The following ARHGAP19 variants were observed in gnomAD, a reference collection of about 807,000 sequenced individuals.
ARHGAP19 encodes the protein Rho GTPase activating protein 19.
A neutral mutation model predicts 60.9 loss-of-function variants in ARHGAP19; 48 were observed. That is an observed-to-expected ratio of 0.79 (90% CI 0.62 to 1.00). The LOEUF is 1.00. Ranked by LOEUF, ARHGAP19 falls within the 50% of genes least tolerant of loss-of-function variation. The pLI is 0.00. For missense variants in ARHGAP19, 562 were observed against 597.2 expected (o/e 0.94, Z 0.61); for synonymous variants, 209 against 215.5 (o/e 0.97, Z 0.27).
intron 8 of ARHGAP19, among the ~76,000 whole-genome samples, chr10:97,237,074 G>T (rs1328695216): frequency 6.6e-6 from 1 of 151,828 alleles, no homozygotes; most frequent in African/African-American, 2.4e-5. Context: ...TGACCAGCCT[G>T]GGCAACATGG....
At chr10:97,243,856 A>C (rs793528) in intron 8 of ARHGAP19, 112 bp downstream of exon 8, 1,061,937 of 1,077,734 alleles carry the variant, frequency 0.99, 524,559 homozygotes, top group East Asian at 1. Flanking sequence ...GACAAGCCTG[A>C]TTTCTCAGCT....
In ARHGAP19 at chr10:97,244,099, T is replaced by G. The variant is rs779896388; in HGVS notation, c.1054A>C (p.Lys352Gln). Residue 352 changes from lysine (K) to glutamine (Q), a missense_variant, in exon 8 of 12, where the codon AAA becomes CAA. Transcript: ENST00000358531. ...GGGCAGGAATCTACCCGGTTCCGTTTCTGAGACTTTGCCAGCTGAAAGGAC... is the reference window on the plus strand; with the variant it reads ...GGGCAGGAATCTACCCGGTTCCGTTGCTGAGACTTTGCCAGCTGAAAGGAC... ...TKSFQLAKSQKRNRVDSCPHQ... is the reference protein window; with the variant it reads ...TKSFQLAKSQQRNRVDSCPHQ... The G allele has an allele frequency of 1.2e-6, 2 of 1,614,118 alleles. No homozygotes were observed. The highest frequency in any genetic ancestry group is 1.7e-5 in the Admixed American group (1 of 60,004).
chr10:97,273,808 C>T (rs900709794), intron 1 of ARHGAP19, among the ~76,000 whole-genome samples: 4 of 152,072 alleles, frequency 2.6e-5, no homozygotes, highest in Admixed American at 1.3e-4. Flanking sequence ...ATTTTCTAAA[C>T]AGCCAAAACT....
chr10:97,283,932 C>CT (rs926520287), intron 1 of ARHGAP19, among the ~76,000 whole-genome samples: 153 of 146,940 alleles, frequency 1.0e-3, no homozygotes, highest in African/African-American at 3.6e-3. Flanking sequence ...TTTTTCTTTC[C>CT]TTTTTTTTTC....
chr10:97,286,048 T>A (rs958396965), intron 1 of ARHGAP19, among the ~76,000 whole-genome samples: 3 of 152,130 alleles, frequency 2.0e-5, no homozygotes, highest in Non-Finnish European at 4.4e-5. Flanking sequence ...ATGATCAAAC[T>A]CTCTAAACCT....
intron 9 of ARHGAP19, among the ~76,000 whole-genome samples, chr10:97,234,936 A>G (rs1423653295): frequency 6.6e-6 from 1 of 152,180 alleles, no homozygotes; most frequent in African/African-American, 2.4e-5. Flanking sequence ...GGCCTCTTAC[A>G]CTGCTCAGGA....
chr10:97,262,834 C>T (rs765547730), intron 4 of ARHGAP19, among the ~76,000 whole-genome samples: 7 of 151,626 alleles, frequency 4.6e-5, no homozygotes, highest in Non-Finnish European at 7.4e-5. Context: ...AACTAAAACA[C>T]GTTGGGCACA....
intron 4 of ARHGAP19, among the ~76,000 whole-genome samples, chr10:97,262,853 T>C (rs1043078075): frequency 3.3e-5 from 5 of 152,166 alleles, no homozygotes; most frequent in African/African-American, 1.2e-4. Flanking sequence ...CAGTGGCTCA[T>C]GCCTATAATC....
intron 7 of ARHGAP19, 110 bp from the exon 8 acceptor site, chr10:97,244,269 C>A: frequency 1.3e-6 from 1 of 775,260 alleles, no homozygotes; most frequent in South Asian, 2.1e-5. Context: ...TGGTATACTC[C>A]TATACTCAGG....
intron 11 of ARHGAP19, 88 bp downstream of exon 11, chr10:97,229,059 A>T: frequency 7.9e-7 from 1 of 1,271,804 alleles, no homozygotes; most frequent in Non-Finnish European, 1.1e-6. Context: ...CTACAAATGT[A>T]CTATCCTGGG....
chr10:97,288,058 G>T (rs900063635), intron 1 of ARHGAP19, among the ~76,000 whole-genome samples: 9 of 152,014 alleles, frequency 5.9e-5, no homozygotes. Flanking sequence ...GCGAAACTCT[G>T]TCTCAAAAAT....
At chr10:97,240,539 T>C (rs11189055) in intron 8 of ARHGAP19, among the ~76,000 whole-genome samples, 3,838 of 152,262 alleles carry the variant, frequency 0.025, 82 homozygotes, top group Non-Finnish European at 0.041. Flanking sequence ...TAATCTCAGT[T>C]ACTCGGGAGG....
At chr10:97,241,158 T>C (rs1198263419) in intron 8 of ARHGAP19, among the ~76,000 whole-genome samples, 5 of 151,346 alleles carry the variant, frequency 3.3e-5, no homozygotes, top group African/African-American at 1.2e-4. Context: ...CCATCTCTAC[T>C]AAAAATACAA....
chr10:97,269,447 T>G (rs1354943698), intron 1 of ARHGAP19, among the ~76,000 whole-genome samples: 2 of 152,190 alleles, frequency 1.3e-5, no homozygotes, highest in African/African-American at 4.8e-5. Context: ...TGCTTCTCTC[T>G]TCAACCTTTT....
chr10:97,251,402 AGGGAAGGGAAAGG>A (rs1842657047), intron 6 of ARHGAP19, among the ~76,000 whole-genome samples: 1 of 16,670 alleles, frequency 6.0e-5, no homozygotes, highest in African/African-American at 2.9e-4. Context: ...GGGAAGGGGA[AGGGAAGGGAAAGG>A]AAGGGGAAGG....
chr10:97,257,633 T>C (rs2134874089), intron 5 of ARHGAP19, among the ~76,000 whole-genome samples: 1 of 152,276 alleles, frequency 6.6e-6, no homozygotes, highest in Non-Finnish European at 1.5e-5. Flanking sequence ...ACTGCTTTTC[T>C]ATAGTCTTGG....
At chr10:97,263,675 A>G (rs1238517100) in intron 3 of ARHGAP19, 46 bp from the exon 4 acceptor site, 1 of 1,549,532 alleles carries the variant, frequency 6.5e-7, no homozygotes, top group East Asian at 2.2e-5. Context: ...AAGGAAGCAG[A>G]AAGATTATTA....
At chr10:97,271,617 T>C (rs1441092922) in intron 1 of ARHGAP19, among the ~76,000 whole-genome samples, 2 of 152,130 alleles carry the variant, frequency 1.3e-5, no homozygotes, top group East Asian at 3.9e-4. Context: ...AATAGTATCT[T>C]TCCCTACTCA....
chr10:97,236,278 C>G (rs1373643937), intron 8 of ARHGAP19, among the ~76,000 whole-genome samples: 1 of 152,098 alleles, frequency 6.6e-6, no homozygotes, highest in Non-Finnish European at 1.5e-5. Context: ...CACCCAGCCT[C>G]TTCTGCCTTT....
Sources: allele counts gnomAD v4.1 joint callset (sites outside exome capture counted in the v4.1 genomes callset), GRCh38; gene constraint gnomAD v4.1.1; transcripts MANE v1.5; gene names NCBI Gene and HGNC (gene_info 2026-07-23, HGNC 2026-07-21).